The following ENTPD1 variants were observed in gnomAD, a reference collection of about 807,000 sequenced individuals.
ENTPD1 encodes ATP diphosphohydrolase.
In ENTPD1, 33 loss-of-function variants were observed where a neutral mutation model predicts 57.0. The ratio of observed to expected loss-of-function variants is 0.58; its 90% CI spans 0.44 to 0.77. The LOEUF is 0.77. Among genes scored for constraint, ENTPD1 ranks in the 30% least tolerant of loss-of-function variants. The pLI is 0.00. For synonymous variants in ENTPD1, 202 were observed against 218.8 expected (o/e 0.92, Z 0.68); for missense variants, 501 against 603.4 (o/e 0.83, Z 1.78).
intron 1 of ENTPD1, among the ~76,000 whole-genome samples, chr10:95,818,235 A>T (rs927142335): frequency 5.1e-4 from 78 of 152,214 alleles, no homozygotes; most frequent in Non-Finnish European, 2.5e-4. Flanking sequence ...ACAACATGGG[A>T]TATACCAATG....
At chr10:95,778,751 A>T (rs1398350422) in intron 1 of ENTPD1, among the ~76,000 whole-genome samples, 1 of 152,070 alleles carries the variant, frequency 6.6e-6, no homozygotes, top group African/African-American at 2.4e-5. Flanking sequence ...CCTCTCTCTG[A>T]TGATAGTAAT....
intron 3 of ENTPD1, 57 bp downstream of exon 3, chr10:95,839,865 G>T: frequency 6.5e-7 from 1 of 1,550,016 alleles, no homozygotes; most frequent in Non-Finnish European, 8.9e-7. Context: ...AACATGAGAG[G>T]TGTATGACCA....
At chr10:95,828,241 C>G (rs2098384577) in intron 2 of ENTPD1, among the ~76,000 whole-genome samples, 1 of 152,194 alleles carries the variant, frequency 6.6e-6, no homozygotes, top group Non-Finnish European at 1.5e-5. Context: ...CTATTGTGAA[C>G]TGCACATATG....
chr10:95,845,748 T>G, intron 6 of ENTPD1, 152 bp downstream of exon 6: 1 of 1,299,194 alleles, frequency 7.7e-7, no homozygotes, highest in Non-Finnish European at 1.1e-6. Context: ...CTACATCTGG[T>G]TGACCCCTAT....
At chr10:95,848,257 G>A (rs1726858057) in intron 7 of ENTPD1, among the ~76,000 whole-genome samples, 1 of 152,252 alleles carries the variant, frequency 6.6e-6, no homozygotes, top group Admixed American at 6.5e-5. Flanking sequence ...AGGATGTCAC[G>A]ATGCTTACTG....
At chr10:95,826,996 C>T (rs1219825078) in intron 2 of ENTPD1, among the ~76,000 whole-genome samples, 1 of 152,040 alleles carries the variant, frequency 6.6e-6, no homozygotes, top group Non-Finnish European at 1.5e-5. Context: ...CTTTTCTAAG[C>T]AGATATCTAC....
chr10:95,860,734 T>G (rs1046497294), intron 8 of ENTPD1, 152 bp downstream of exon 8: 1 of 691,752 alleles, frequency 1.4e-6, no homozygotes, highest in African/African-American at 1.8e-5. Flanking sequence ...AGGAATGAAT[T>G]TATCAGCATT....
At chr10:95,773,905 C>T (rs1175491256) in intron 1 of ENTPD1, among the ~76,000 whole-genome samples, 2 of 152,152 alleles carry the variant, frequency 1.3e-5, no homozygotes, top group Non-Finnish European at 2.9e-5. Context: ...TGAGGAGTTG[C>T]CACACTGTCT....
chr10:95,730,232 T>G (rs188136386), intron 1 of ENTPD1, among the ~76,000 whole-genome samples: 1 of 152,064 alleles, frequency 6.6e-6, no homozygotes, highest in East Asian at 1.9e-4. Context: ...TTTTTTTTTT[T>G]TTGTTACAGA....
chr10:95,694,773 C>G, the ENTPD1 span, among the ~76,000 whole-genome samples: 10 of 151,978 alleles, frequency 6.6e-5, no homozygotes, highest in Non-Finnish European at 1.2e-4. Flanking sequence ...CACAGCAGCG[C>G]GGGCCATGGG....
upstream of ENTPD1, among the ~76,000 whole-genome samples, chr10:95,709,079 C>T (rs942584652): frequency 6.6e-6 from 1 of 152,062 alleles, no homozygotes; most frequent in Admixed American, 6.5e-5. Flanking sequence ...GGTTATGCAA[C>T]CTACAACCTT....
intron 1 of ENTPD1, among the ~76,000 whole-genome samples, chr10:95,768,506 T>TCTC (rs2098100664): frequency 2.0e-5 from 3 of 148,544 alleles, no homozygotes; most frequent in South Asian, 2.1e-4. Flanking sequence ...TTTTCTTTCT[T>TCTC]TCTCTCTCTC....
At chr10:95,829,224 G>A (rs976661629) in intron 2 of ENTPD1, among the ~76,000 whole-genome samples, 1 of 152,222 alleles carries the variant, frequency 6.6e-6, no homozygotes, top group Non-Finnish European at 1.5e-5. Context: ...AGGAAGAAGG[G>A]AAAGAGAGAG....
Position 95,872,942 on chromosome 10 carries a change from T to A in ENTPD1, c.*6559T>A, listed in dbSNP as rs1183764396. 1 of 985,454 alleles carries A rather than the reference T, an allele frequency of 1.0e-6. No homozygotes were observed. Among genetic ancestry groups the A allele is most frequent in the Non-Finnish European group, 1.2e-6 (1 of 829,932 alleles). The allele number at this position is 985,454 out of a possible 1,614,324, so 61.0% of individuals were successfully genotyped here. A position where few individuals can be genotyped will look rare whatever the true frequency, so the allele number is the denominator to read the frequency against. On this transcript the variant is annotated 3_prime_UTR_variant, in exon 10 of 10. Coordinates refer to ENST00000371205, the MANE Select transcript of ENTPD1 (RefSeq NM_001776.6). ...GTGTAGTTTGCCATGCAGCACTTCA[T>A]TGTACACATTATTAAAACAGAATTT...
At chr10:95,743,413 C>G (rs2098002487) in intron 1 of ENTPD1, among the ~76,000 whole-genome samples, 1 of 152,140 alleles carries the variant, frequency 6.6e-6, no homozygotes, top group Admixed American at 6.5e-5. Flanking sequence ...CTTTCTTACT[C>G]TTTTTCTCTG....
chr10:95,829,468 G>A (rs1019117495), intron 2 of ENTPD1, among the ~76,000 whole-genome samples: 2 of 152,266 alleles, frequency 1.3e-5, no homozygotes, highest in East Asian at 3.8e-4. Context: ...GGCAGCAGGA[G>A]AGAAGCTGCT....
At chr10:95,697,610 A>T in the ENTPD1 span, among the ~76,000 whole-genome samples, 1 of 152,172 alleles carries the variant, frequency 6.6e-6, no homozygotes, top group East Asian at 1.9e-4. Flanking sequence ...CTTTACAAGA[A>T]GAGGAACAGA....
intron 1 of ENTPD1, among the ~76,000 whole-genome samples, chr10:95,803,014 T>G (rs2098256703): frequency 6.6e-6 from 1 of 152,212 alleles, no homozygotes; most frequent in Non-Finnish European, 1.5e-5. Context: ...TTGTTCTTTT[T>G]GCTTAGGATT....
chr10:95,728,270 T>G (rs1027054067), intron 1 of ENTPD1, among the ~76,000 whole-genome samples: 1 of 151,814 alleles, frequency 6.6e-6, no homozygotes, highest in South Asian at 2.1e-4. Flanking sequence ...ATATTTTGTA[T>G]GTCATATGTA....
Sources: gnomAD v4.1 joint callset for allele counts (sites outside exome capture counted in the v4.1 genomes callset) on GRCh38, gnomAD v4.1.1 for gene constraint, MANE v1.5 for transcripts, NCBI Gene and HGNC (gene_info 2026-07-23, HGNC 2026-07-21) for gene names.